The following ANO2 variants were observed in gnomAD, a reference collection of about 807,000 sequenced individuals.
ANO2 encodes the protein anoctamin-2.
Under a neutral mutation model 124.2 loss-of-function variants are expected in ANO2, and 101 were observed. That is an observed-to-expected ratio of 0.81 (90% CI 0.69 to 0.96). The LOEUF (loss-of-function observed/expected upper bound fraction) is 0.96. Ranked by LOEUF, ANO2 falls within the 40% of genes least tolerant of loss-of-function variation. The pLI, the probability that ANO2 is intolerant of heterozygous loss-of-function variation, is 0.00. For synonymous variants in ANO2, 486 were observed against 482.5 expected (o/e 1.01, Z -0.09); for missense variants, 1,293 against 1,274.5 (o/e 1.01, Z -0.22).
intron 7 of ANO2, among the ~76,000 whole-genome samples, chr12:5,811,338 T>G (rs1953384468): frequency 6.6e-6 from 1 of 152,252 alleles, no homozygotes; most frequent in South Asian, 2.1e-4. Context: ...TGTCTTGACG[T>G]GTGCTTAATT....
At chr12:5,821,059 A>C (rs905067359) in intron 7 of ANO2, among the ~76,000 whole-genome samples, 1 of 152,194 alleles carries the variant, frequency 6.6e-6, no homozygotes, top group African/African-American at 2.4e-5. Context: ...AGAGACCTTG[A>C]TCGTTTTTCG....
At chr12:5,633,754 G>A (rs1945857023) in intron 16 of ANO2, among the ~76,000 whole-genome samples, 1 of 152,138 alleles carries the variant, frequency 6.6e-6, no homozygotes, top group Non-Finnish European at 1.5e-5. Context: ...TGTTCCACTG[G>A]TGTTTAGCTT....
In ANO2 at chr12:5,921,170, G is replaced by C. The variant is rs1488113694; in HGVS notation, c.404C>G (p.Pro135Arg). Residue 135 changes from proline (P) to arginine (R), a missense_variant, in exon 3 of 25, where the codon CCT becomes CGT. Physicochemically the swap from Pro to Arg is moderately radical, Grantham distance 103. Coordinates refer to ENST00000682330, the MANE Select transcript of ANO2 (RefSeq NM_001364791.2). ...IVSNGETGKE[P>R]HAGGPGDIEL... ...AATGTCACCTGGGCCCCCAGCATGA[G>C]GCTCCTTGCCTGTCTCCCCATTGGA... 1 of 1,613,946 alleles carries C rather than the reference G, an allele frequency of 6.2e-7. No individual in the cohort carries two copies. Among genetic ancestry groups the C allele is most frequent in the South Asian group, 1.1e-5 (1 of 91,074 alleles).
intron 14 of ANO2, among the ~76,000 whole-genome samples, chr12:5,664,971 A>C (rs1259638579): frequency 6.6e-6 from 1 of 152,054 alleles, no homozygotes; most frequent in Non-Finnish European, 1.5e-5. Flanking sequence ...TTACCCCCTC[A>C]TCTGACCTAA....
chr12:5,942,259 A>G (rs7397444), intron 1 of ANO2, among the ~76,000 whole-genome samples: 51,733 of 152,152 alleles, frequency 0.34, 11,044 homozygotes, highest in East Asian at 0.79. Flanking sequence ...TTCAAATAGC[A>G]TTTTTTAAAG....
At chr12:5,842,559 C>T (rs959039580) in intron 4 of ANO2, among the ~76,000 whole-genome samples, 4 of 152,168 alleles carry the variant, frequency 2.6e-5, no homozygotes, top group Non-Finnish European at 4.4e-5. Context: ...CCCTCCAGCA[C>T]GCCACCACCA....
At chr12:5,763,112 A>C (rs966652440) in intron 10 of ANO2, among the ~76,000 whole-genome samples, 1 of 152,052 alleles carries the variant, frequency 6.6e-6, no homozygotes, top group African/African-American at 2.4e-5. Flanking sequence ...TCTAAAATCA[A>C]ATTCAAAATT....
chr12:5,815,449 C>G (rs897199019), intron 7 of ANO2, among the ~76,000 whole-genome samples: 1 of 152,052 alleles, frequency 6.6e-6, no homozygotes, highest in African/African-American at 2.4e-5. Flanking sequence ...ATTTGTCATA[C>G]GCCTTTATGT....
intron 3 of ANO2, among the ~76,000 whole-genome samples, chr12:5,914,832 G>A (rs1941285247): frequency 6.6e-6 from 1 of 152,220 alleles, no homozygotes; most frequent in Non-Finnish European, 1.5e-5. Context: ...CCACAGGATT[G>A]TACTGTGCCT....
rs142025652 is a variant in ANO2 at position 5,943,566 on chromosome 12, T to C, written c.22+1630A>G. On this transcript the variant is annotated intron_variant, in intron 1 of 24. Transcript: ENST00000682330. ...ATTACATACTGGGTACAATGTACAC[T>C]GCTCGGGTGAGGAGGCACTAAAATC... is the stretch of plus-strand genomic sequence containing the variant. Among the ~76,000 whole-genome samples the C allele has an allele frequency of 3.7e-4, 56 of 152,264 alleles. 1 individual carries two copies. The highest frequency in any genetic ancestry group is 9.1e-4 in the African/African-American group (38 of 41,542).
intron 20 of ANO2, chr12:5,584,032 TG>T: frequency 3.9e-6 from 1 of 257,196 alleles, no homozygotes; most frequent in Non-Finnish European, 8.4e-6. Flanking sequence ...AATGGAATTA[TG>T]GTTGCACCAG....
rs1303737582 is a variant in ANO2, at chr12:5,578,458, G to A, written c.2294C>T (p.Ala765Val). The A allele has an allele frequency of 1.9e-6, 3 of 1,613,932 alleles. No individual in the cohort carries two copies. The highest frequency in any genetic ancestry group is 2.5e-6 in the Non-Finnish European group (3 of 1,179,854). ...CACTTCAATGACGTTGTTGAGGAGG[G>A]CAAACACAGGTGCCAGGGGAAAGGA... ...VASFPLAPVF[A>V]LLNNVIEVRL... Residue 765 changes from alanine to valine, a missense_variant, in exon 21 of 25, where the codon GCC (alanine) becomes GTC (valine). Physicochemically the swap from Ala to Val is moderately conservative, Grantham distance 64. Coordinates refer to ENST00000682330, the MANE Select transcript of ANO2 (RefSeq NM_001364791.2).
At chr12:5,842,588 G>A (rs1954547680) in intron 4 of ANO2, among the ~76,000 whole-genome samples, 1 of 152,206 alleles carries the variant, frequency 6.6e-6, no homozygotes, top group African/African-American at 2.4e-5. Flanking sequence ...GATCTGGTGT[G>A]CATGACTCAC....
chr12:5,924,728 T>C (rs913074374), intron 1 of ANO2, among the ~76,000 whole-genome samples: 4 of 152,198 alleles, frequency 2.6e-5, no homozygotes, highest in Non-Finnish European at 5.9e-5. Context: ...AATACATCAT[T>C]GATAATTCCC....
In ANO2 at chr12:5,565,650, G is replaced by A. The variant is rs746528171; in HGVS notation, c.2635C>T (p.Arg879Ter). The change falls in exon 24 of 25, where the codon CGA becomes TGA. Residue 879 changes from arginine (R) to a stop codon, truncating the protein, a stop_gained. Coordinates refer to ENST00000682330, the MANE Select transcript of ANO2 (RefSeq NM_001364791.2). LOFTEE classifies it high-confidence loss of function. The part of the protein sequence containing the change: ...EVQFCRFKDY[R>*]EPPWAPNPYE... The stretch of plus-strand genomic sequence containing the variant: ...GGGTTCGGGGCCCATGGCGGCTCTC[G>A]GTAATCCTTAAACCTGCCCAAAGAG... 1.3e-5 allele frequency: 20 copies of A among 1,597,064 alleles called. No homozygotes were observed. The highest frequency in any genetic ancestry group is 4.6e-5 in the South Asian group (4 of 87,858).
At chr12:5,855,054 G>A (rs1210318396) in intron 3 of ANO2, among the ~76,000 whole-genome samples, 2 of 151,874 alleles carry the variant, frequency 1.3e-5, no homozygotes, top group African/African-American at 2.4e-5. Context: ...AAAACTGGCA[G>A]AAGTCTCATT....
chr12:5,764,708 CCT>C (rs1289155635), intron 10 of ANO2, among the ~76,000 whole-genome samples: 2 of 152,116 alleles, frequency 1.3e-5, no homozygotes, highest in Non-Finnish European at 2.9e-5. Flanking sequence ...CCCGCCCTCC[CCT>C]GTTCTCCTGC....
chr12:5,933,232 C>A (rs1942504909), intron 1 of ANO2, among the ~76,000 whole-genome samples: 2 of 152,230 alleles, frequency 1.3e-5, no homozygotes, highest in African/African-American at 4.8e-5. Flanking sequence ...CTTGTGCACA[C>A]ACAGCCACAC....
intron 12 of ANO2, among the ~76,000 whole-genome samples, chr12:5,743,560 G>A (rs1951173400): frequency 6.6e-6 from 1 of 152,070 alleles, no homozygotes. Context: ...CATACTCTGG[G>A]AGGAAGGGAG....
Sources: allele counts gnomAD v4.1 joint callset (sites outside exome capture counted in the v4.1 genomes callset), GRCh38; gene constraint gnomAD v4.1.1; transcripts MANE v1.5; gene names NCBI Gene and HGNC (gene_info 2026-07-23, HGNC 2026-07-21).